The following PTPRM variants were observed in gnomAD, a reference collection of about 807,000 sequenced individuals.
The protein encoded by PTPRM is receptor-type tyrosine-protein phosphatase mu.
In PTPRM, 47 loss-of-function variants were observed where a neutral mutation model predicts 186.7. The ratio of observed to expected loss-of-function variants is 0.25; its 90% CI spans 0.20 to 0.32. The LOEUF is 0.32. PTPRM is among the 10% of genes least tolerant of loss of function. The pLI, the probability that PTPRM is intolerant of heterozygous loss-of-function variation, is 1.00. For synonymous variants in PTPRM, 668 were observed against 674.9 expected (o/e 0.99, Z 0.16); for missense variants, 1,494 against 1,865.0 (o/e 0.80, Z 3.66).
At chr18:8,134,873 T>C (rs986891104) in intron 13 of PTPRM, among the ~76,000 whole-genome samples, 4 of 152,164 alleles carry the variant, frequency 2.6e-5, no homozygotes, top group African/African-American at 9.7e-5. Context: ...TGCAATGAAA[T>C]AGGAGTCAGC....
Position 8,113,717 on chromosome 18 carries a change from A to C in PTPRM, c.2088A>C (p.Lys696Asn). The C allele has an allele frequency of 2.5e-6, 4 of 1,613,750 alleles. No individual in the cohort carries two copies. Among genetic ancestry groups the C allele is most frequent in the Non-Finnish European group, 3.4e-6 (4 of 1,179,716 alleles). The change falls in exon 12 of 33, where the codon AAA becomes AAC. Residue 696 changes from lysine (K) to asparagine (N), a missense_variant. Physicochemically the swap from Lys to Asn is moderately conservative, Grantham distance 94 (BLOSUM62 0). This residue lies in a region of PTPRM where 1,107 missense variants were observed against 1,350.2 expected (regional missense o/e 0.82). Coordinates refer to ENST00000580170, the MANE Select transcript of PTPRM (RefSeq NM_001105244.2). ...GGAACACTCCCCTTCTCCCCTATAAAAGCTACAGAATTTATTTCCAAGCTG... is the reference window on the plus strand; with the variant it reads ...GGAACACTCCCCTTCTCCCCTATAACAGCTACAGAATTTATTTCCAAGCTG... Reference protein sequence around the residue: ...GYWNTPLLPYKSYRIYFQAAS... With the variant: ...GYWNTPLLPYNSYRIYFQAAS...
chr18:8,358,579 T>C (rs1033115246), intron 23 of PTPRM, among the ~76,000 whole-genome samples: 2 of 152,202 alleles, frequency 1.3e-5, no homozygotes, highest in Admixed American at 1.3e-4. Flanking sequence ...AGCTAGTGAC[T>C]GTGCAGGCAT....
intron 11 of PTPRM, among the ~76,000 whole-genome samples, chr18:8,109,190 G>A (rs1044209934): frequency 5.3e-5 from 8 of 152,142 alleles, no homozygotes; most frequent in Admixed American, 2.0e-4. Context: ...ATTGACCTAG[G>A]TGCTAATAAT....
At chr18:8,234,542 A>G (rs576265642) in intron 14 of PTPRM, among the ~76,000 whole-genome samples, 1 of 152,244 alleles carries the variant, frequency 6.6e-6, no homozygotes, top group African/African-American at 2.4e-5. Flanking sequence ...AGAGCGTTTC[A>G]TTCATTCCTT....
chr18:7,614,401 A>G (rs942773996), intron 1 of PTPRM, among the ~76,000 whole-genome samples: 2 of 152,226 alleles, frequency 1.3e-5, no homozygotes, highest in African/African-American at 4.8e-5. Context: ...GCTAAGGAAC[A>G]GAAGGAATAT....
intron 19 of PTPRM, among the ~76,000 whole-genome samples, chr18:8,278,941 A>C (rs898621101): frequency 6.6e-6 from 1 of 152,100 alleles, no homozygotes; most frequent in African/African-American, 2.4e-5. Context: ...ATGTCTCAAG[A>C]GGGGGAGGGA....
chr18:7,855,778 T>A (rs866175226), intron 2 of PTPRM, among the ~76,000 whole-genome samples: 26 of 152,212 alleles, frequency 1.7e-4, no homozygotes, highest in African/African-American at 6.3e-4. Context: ...TTCCTCTGGC[T>A]AGCACATGAA....
chr18:8,398,513 C>T (rs1211114781), intron 32 of PTPRM, among the ~76,000 whole-genome samples: 3 of 152,110 alleles, frequency 2.0e-5, no homozygotes, highest in Admixed American at 1.3e-4. Context: ...CGCCTGTAAT[C>T]CCAGCACTTA....
intron 20 of PTPRM, among the ~76,000 whole-genome samples, chr18:8,311,489 A>T (rs1394877599): frequency 1.3e-5 from 2 of 152,136 alleles, no homozygotes; most frequent in Non-Finnish European, 2.9e-5. Flanking sequence ...TGTGCTGTGA[A>T]TGGAGTCTTT....
At chr18:8,074,498 G>A (rs2089681935) in intron 8 of PTPRM, among the ~76,000 whole-genome samples, 1 of 152,150 alleles carries the variant, frequency 6.6e-6, no homozygotes, top group Non-Finnish European at 1.5e-5. Flanking sequence ...TTTCAAAGTA[G>A]CGGCATGACT....
intron 1 of PTPRM, among the ~76,000 whole-genome samples, chr18:7,581,529 TG>T (rs1299355159): frequency 5.3e-5 from 8 of 152,202 alleles, no homozygotes. Flanking sequence ...TTTATTTTGC[TG>T]TATTTTATGT....
At chr18:7,626,291 C>T (rs936239734) in intron 1 of PTPRM, among the ~76,000 whole-genome samples, 2 of 152,186 alleles carry the variant, frequency 1.3e-5, no homozygotes, top group Non-Finnish European at 2.9e-5. Flanking sequence ...TCGCGTTTGG[C>T]AAAGACTGTG....
chr18:8,085,259 A>C (rs1227361130), intron 9 of PTPRM, among the ~76,000 whole-genome samples: 6 of 152,090 alleles, frequency 3.9e-5, no homozygotes, highest in Non-Finnish European at 8.8e-5. Context: ...CCCAATAGGT[A>C]ATGATCCTAA....
intron 20 of PTPRM, 73 bp from the exon 21 acceptor site, chr18:8,314,708 A>T: frequency 9.6e-7 from 1 of 1,043,356 alleles, no homozygotes; most frequent in Non-Finnish European, 1.5e-6. Flanking sequence ...TAATATGCTT[A>T]CATTCTGGGG....
At chr18:7,805,755 T>C (rs117878841) in intron 2 of PTPRM, among the ~76,000 whole-genome samples, 9 of 152,338 alleles carry the variant, frequency 5.9e-5, no homozygotes, top group Non-Finnish European at 1.0e-4. Flanking sequence ...AAATGCTTAG[T>C]AAATTTACTA....
Position 7,808,029 on chromosome 18 carries a change from G to A in PTPRM, c.196+33758G>A, listed in dbSNP as rs551526903. On this transcript the variant is annotated intron_variant, in intron 2 of 32. Coordinates refer to ENST00000580170, the MANE Select transcript of PTPRM (RefSeq NM_001105244.2). The stretch of plus-strand genomic sequence containing the variant: ...CTGTCCAAGGAAGACGAGTGTTCCT[G>A]TGTCCCTGCGTCTTATGCATATTCA... Among the ~76,000 whole-genome samples, 4 of 152,272 alleles carry A rather than the reference G, an allele frequency of 2.6e-5. No homozygotes were observed. In the South Asian group the frequency reaches 6.2e-4, roughly 24 times the overall value.
At chr18:7,962,795 C>A (rs2053765989) in intron 7 of PTPRM, among the ~76,000 whole-genome samples, 1 of 152,324 alleles carries the variant, frequency 6.6e-6, no homozygotes, top group Admixed American at 6.5e-5. Flanking sequence ...TGTATTTTCT[C>A]TTAAATCAAA....
intron 11 of PTPRM, among the ~76,000 whole-genome samples, chr18:8,099,159 T>C (rs7244483): frequency 0.04 from 5,938 of 149,324 alleles, 372 homozygotes; most frequent in African/African-American, 0.14. Flanking sequence ...CTCTCTCTCT[T>C]TCTCTCTCTC....
intron 7 of PTPRM, among the ~76,000 whole-genome samples, chr18:8,013,497 A>G (rs1322665572): frequency 2.0e-5 from 3 of 152,206 alleles, no homozygotes; most frequent in African/African-American, 7.2e-5. Context: ...AAATATATTT[A>G]CTATTCATCA....
Sources: allele counts gnomAD v4.1 joint callset (sites outside exome capture counted in the v4.1 genomes callset), GRCh38; gene constraint gnomAD v4.1.1; regional missense constraint gnomAD v4.1.1; transcripts MANE v1.5; gene names NCBI Gene and HGNC (gene_info 2026-07-23, HGNC 2026-07-21).